The following HMGB1 variants were observed in gnomAD, a reference collection of about 807,000 sequenced individuals.
HMGB1 encodes the protein high mobility group protein B1.
For missense variants in HMGB1, 79 were observed against 253.5 expected (o/e 0.31, Z 4.67); for synonymous variants, 81 against 84.0 (o/e 0.96, Z 0.19).
chr13:30,464,921 T>C (rs1023541439), intron 1 of HMGB1, among the ~76,000 whole-genome samples: 2 of 118,530 alleles, frequency 1.7e-5, no homozygotes, highest in South Asian at 3.2e-4. Context: ...GGCCCTCCCC[T>C]CCGCGCCGCT....
chr13:30,537,014 T>C (rs1335226051), intron 1 of HMGB1, among the ~76,000 whole-genome samples: 1 of 152,166 alleles, frequency 6.6e-6, no homozygotes, highest in Non-Finnish European at 1.5e-5. Context: ...TCCCTGTTCG[T>C]ATATTTGTGA....
At chr13:30,517,436 G>A (rs1030114849) in intron 1 of HMGB1, among the ~76,000 whole-genome samples, 1 of 152,336 alleles carries the variant, frequency 6.6e-6, no homozygotes. Flanking sequence ...ACGGAGTCTC[G>A]CTCTGTCACC....
At chr13:30,526,076 A>G (rs1036612233) in intron 1 of HMGB1, among the ~76,000 whole-genome samples, 1 of 152,000 alleles carries the variant, frequency 6.6e-6, no homozygotes, top group Non-Finnish European at 1.5e-5. Flanking sequence ...CTTTTTTTTG[A>G]GACAGGGTCT....
chr13:30,595,875 C>T (rs1301412883), intron 1 of HMGB1, among the ~76,000 whole-genome samples: 1 of 152,236 alleles, frequency 6.6e-6, no homozygotes, highest in Non-Finnish European at 1.5e-5. Flanking sequence ...CAATGTCTTT[C>T]ATGACCTAGC....
At chr13:30,548,225 T>G (rs765294246) in intron 1 of HMGB1, among the ~76,000 whole-genome samples, 13 of 152,164 alleles carry the variant, frequency 8.5e-5, no homozygotes, top group Non-Finnish European at 1.5e-4. Flanking sequence ...CTTGTGATAC[T>G]GAGTGAATTC....
intron 1 of HMGB1, among the ~76,000 whole-genome samples, chr13:30,488,070 T>C (rs768517653): frequency 1.3e-5 from 2 of 152,204 alleles, no homozygotes; most frequent in African/African-American, 2.4e-5. Flanking sequence ...CTAATTAAAA[T>C]TTCGTTACAA....
intron 1 of HMGB1, among the ~76,000 whole-genome samples, chr13:30,569,728 G>A (rs1467716098): frequency 1.3e-5 from 2 of 152,098 alleles, no homozygotes; most frequent in Admixed American, 1.3e-4. Context: ...CCCAGAGTGC[G>A]CTCTCATGGA....
At chr13:30,471,372 G>A (rs1886923912) in intron 1 of HMGB1, among the ~76,000 whole-genome samples, 3 of 151,954 alleles carry the variant, frequency 2.0e-5, no homozygotes, top group South Asian at 2.1e-4. Context: ...TTTGAGACGG[G>A]GTTTCACTCT....
chr13:30,589,301 G>C (rs1173352494), intron 1 of HMGB1, among the ~76,000 whole-genome samples: 1 of 152,084 alleles, frequency 6.6e-6, no homozygotes, highest in Non-Finnish European at 1.5e-5. Context: ...CACCGCGCCC[G>C]GCCTATCATT....
chr13:30,614,995 C>A (rs1157554920), intron 1 of HMGB1, among the ~76,000 whole-genome samples: 1 of 151,802 alleles, frequency 6.6e-6, no homozygotes. Flanking sequence ...CAGGTGTGAG[C>A]CACCACGCCC....
rs1886223342 is a variant in HMGB1 at position 30,460,153 on chromosome 13, A to G, written c.*1204T>C. 6.6e-6 allele frequency: 1 copy of G among 152,504 alleles called. No homozygotes were observed. The highest frequency in any genetic ancestry group is 6.5e-5 in the Admixed American group (1 of 15,286). The allele number at this position is 152,504 out of a possible 1,614,324, so 9.4% of individuals were successfully genotyped here. A position where few individuals can be genotyped will look rare whatever the true frequency, so the allele number is the denominator to read the frequency against. On this transcript the variant is annotated 3_prime_UTR_variant, in exon 5 of 5. Transcript: ENST00000341423. ...AAAGAAAAATCATTCAAATAAATTG[A>G]ATAATTCATACTGAGATGCAAAGTT... is the stretch of plus-strand genomic sequence containing the variant.
chr13:30,493,815 A>C (rs891138962), intron 1 of HMGB1, among the ~76,000 whole-genome samples: 1 of 152,048 alleles, frequency 6.6e-6, no homozygotes, highest in African/African-American at 2.4e-5. Flanking sequence ...GAACAAAACA[A>C]AAACTCTTTG....
chr13:30,475,297 C>T (rs752420435), intron 1 of HMGB1, among the ~76,000 whole-genome samples: 13 of 147,704 alleles, frequency 8.8e-5, no homozygotes, highest in Non-Finnish European at 1.6e-4. Flanking sequence ...TCACTGCAGT[C>T]TCCTCCCACC....
chr13:30,582,100 T>C (rs1297046363), intron 1 of HMGB1, among the ~76,000 whole-genome samples: 1 of 152,046 alleles, frequency 6.6e-6, no homozygotes, highest in Non-Finnish European at 1.5e-5. Flanking sequence ...CAGTCAAAGA[T>C]ATGGGGTGAT....
rs1315795169 is a variant in HMGB1 at position 30,463,359 on chromosome 13, A to G, written c.151-7T>C. On this transcript the variant is annotated splice_polypyrimidine_tract_variant and splice_region_variant and intron_variant, in intron 2 of 4. Transcript: ENST00000341423. ...TCTCTTTAGCAGACATGGTCTACAA[A>G]ATAATTATTTGTAAGTTTAAGTTGT... 1 of 1,590,400 alleles carries G rather than the reference A, an allele frequency of 6.3e-7. No individual in the cohort carries two copies. The highest frequency in any genetic ancestry group is 8.5e-7 in the Non-Finnish European group (1 of 1,172,396).
chr13:30,484,621 G>C (rs1887317424), intron 1 of HMGB1, among the ~76,000 whole-genome samples: 1 of 152,172 alleles, frequency 6.6e-6, no homozygotes, highest in Admixed American at 6.6e-5. Flanking sequence ...TGTAATCCCA[G>C]CACTTTGGGA....
chr13:30,617,577 A>C (rs1023195023), exon 1 of HMGB1: 5 of 152,186 alleles, frequency 3.3e-5, no homozygotes, highest in African/African-American at 9.7e-5. Context: ...CTCTTTCGTC[A>C]GCGTAATCCC....
chr13:30,578,063 G>A (rs566009498), intron 1 of HMGB1, among the ~76,000 whole-genome samples: 5 of 151,984 alleles, frequency 3.3e-5, no homozygotes, highest in East Asian at 3.9e-4. Flanking sequence ...AAGAGACTCC[G>A]TGCAGTTCCT....
chr13:30,605,814 C>T (rs1009037054), intron 1 of HMGB1, among the ~76,000 whole-genome samples: 4 of 152,152 alleles, frequency 2.6e-5, no homozygotes, highest in African/African-American at 9.7e-5. Context: ...GACAACCACC[C>T]TTATTCTTAC....
Sources: gnomAD v4.1 joint callset for allele counts (sites outside exome capture counted in the v4.1 genomes callset) on GRCh38, gnomAD v4.1.1 for gene constraint, MANE v1.5 for transcripts, NCBI Gene and HGNC (gene_info 2026-07-23, HGNC 2026-07-21) for gene names.